Variants in PDE3A observed in about 807,000 individuals in gnomAD.
The protein encoded by PDE3A is phosphodiesterase 3A, also known as cGMP-inhibited 3',5'-cyclic phosphodiesterase 3A.
In PDE3A, 43 loss-of-function variants were observed where a neutral mutation model predicts 98.3. That is an observed-to-expected ratio of 0.44 (90% CI 0.34 to 0.56). The LOEUF (loss-of-function observed/expected upper bound fraction) is 0.56. Ranked by LOEUF, PDE3A falls within the 20% of genes least tolerant of loss-of-function variation. PDE3A has a pLI of 0.01. For missense variants in PDE3A, 1,427 were observed against 1,440.7 expected, an observed-to-expected ratio of 0.99 and a Z score of 0.15; for synonymous variants, 663 against 567.9, an observed-to-expected ratio of 1.17 and a Z score of -2.38.
intron 1 of PDE3A, 22 bp from the exon 2 acceptor site, chr12:20,556,635 CTTA>C (rs1942376031): frequency 1.4e-6 from 2 of 1,472,296 alleles, no homozygotes; most frequent in Non-Finnish European, 1.9e-6. Context: ...AATCATTTAA[CTTA>C]TTATAATTTT....
At chr12:20,586,857 T>C (rs143837248) in intron 2 of PDE3A, among the ~76,000 whole-genome samples, 1 of 152,180 alleles carries the variant, frequency 6.6e-6, no homozygotes, top group Non-Finnish European at 1.5e-5. Context: ...TCTTTTGCAC[T>C]GATAGTGGAC....
chr12:20,466,086 T>A (rs1157182043), intron 1 of PDE3A, among the ~76,000 whole-genome samples: 1 of 152,106 alleles, frequency 6.6e-6, no homozygotes, highest in Non-Finnish European at 1.5e-5. Context: ...TTGAAAAGCA[T>A]GTTCCCTAGA....
intron 2 of PDE3A, among the ~76,000 whole-genome samples, chr12:20,592,734 T>C (rs1230326690): frequency 6.6e-6 from 1 of 152,178 alleles, no homozygotes; most frequent in Non-Finnish European, 1.5e-5. Context: ...TAATTGAGTG[T>C]GTTTATTGCA....
intron 1 of PDE3A, among the ~76,000 whole-genome samples, chr12:20,422,269 G>T (rs1291355478): frequency 6.6e-6 from 1 of 152,002 alleles, no homozygotes. Flanking sequence ...GCGTGAACCC[G>T]GGAAGTGGAG....
chr12:20,412,475 A>G (rs1356657327), intron 1 of PDE3A, among the ~76,000 whole-genome samples: 2 of 152,146 alleles, frequency 1.3e-5, no homozygotes, highest in African/African-American at 4.8e-5. Context: ...TTTGTCTAGC[A>G]TTATCCCAAC....
rs185721227 is a variant in PDE3A, at chr12:20,386,182, T to A, written c.960+15938T>A. Among the ~76,000 whole-genome samples the A allele has an allele frequency of 6.3e-3, 457 of 72,386 alleles. 5 individuals are homozygous for A. Among genetic ancestry groups the A allele is most frequent in the Middle Eastern group, 0.013 (2 of 152 alleles). 47.5% of individuals were successfully genotyped at this position (72,386 alleles called of 152,430 possible). ...ATATATAAATATATAAAAATATATA[T>A]AAATATATATAAATATATAAAAATA... On this transcript the variant is annotated intron_variant, in intron 1 of 15. Transcript: ENST00000359062.
At chr12:20,431,007 T>C (rs1215360076) in intron 1 of PDE3A, among the ~76,000 whole-genome samples, 1 of 152,158 alleles carries the variant, frequency 6.6e-6, no homozygotes, top group Non-Finnish European at 1.5e-5. Flanking sequence ...TTCTGGTTTT[T>C]TGGAAGATTT....
At chr12:20,525,089 C>A (rs1946491898) in intron 1 of PDE3A, among the ~76,000 whole-genome samples, 1 of 152,128 alleles carries the variant, frequency 6.6e-6, no homozygotes, top group Non-Finnish European at 1.5e-5. Context: ...CCGAGATCCA[C>A]CATTGCACTC....
At chr12:20,470,609 C>A (rs1304689088) in intron 1 of PDE3A, among the ~76,000 whole-genome samples, 1 of 152,068 alleles carries the variant, frequency 6.6e-6, no homozygotes, top group East Asian at 1.9e-4. Flanking sequence ...GACTAGGGAA[C>A]AATGTAAGGA....
At chr12:20,544,241 A>G (rs1204432058) in intron 1 of PDE3A, among the ~76,000 whole-genome samples, 4 of 150,898 alleles carry the variant, frequency 2.7e-5, no homozygotes, top group Non-Finnish European at 5.9e-5. Flanking sequence ...GAAAGAATGC[A>G]CACATGAATG....
chr12:20,378,578 C>A (rs573681738), intron 1 of PDE3A, among the ~76,000 whole-genome samples: 2 of 151,482 alleles, frequency 1.3e-5, no homozygotes, highest in African/African-American at 4.8e-5. Flanking sequence ...GATCAAAAGG[C>A]AATAGAATCA....
intron 1 of PDE3A, among the ~76,000 whole-genome samples, chr12:20,524,025 A>T (rs1388016945): frequency 1.3e-5 from 2 of 152,218 alleles, no homozygotes; most frequent in African/African-American, 2.4e-5. Flanking sequence ...CTAAGGACTC[A>T]TACCTCTTTA....
At chr12:20,457,987 T>C (rs1945180618) in intron 1 of PDE3A, among the ~76,000 whole-genome samples, 1 of 152,168 alleles carries the variant, frequency 6.6e-6, no homozygotes, top group African/African-American at 2.4e-5. Context: ...ACTTTACTAA[T>C]TGACAGATAT....
chr12:20,522,258 C>T (rs539596764), intron 1 of PDE3A, among the ~76,000 whole-genome samples: 93 of 152,294 alleles, frequency 6.1e-4, no homozygotes, highest in African/African-American at 2.2e-3. Flanking sequence ...AACTTACACT[C>T]TGTAGAGCAG....
intron 10 of PDE3A, among the ~76,000 whole-genome samples, chr12:20,640,749 T>C (rs1257465479): frequency 3.3e-5 from 5 of 152,202 alleles, no homozygotes; most frequent in African/African-American, 1.2e-4. Flanking sequence ...CTACGAAATA[T>C]ATGGTTTGGG....
chr12:20,683,402 G>C lies in PDE3A; in HGVS notation c.*3131G>C, dbSNP rs1180190289. On this transcript the variant is annotated 3_prime_UTR_variant, in exon 16 of 16. Coordinates refer to ENST00000359062, the MANE Select transcript of PDE3A (RefSeq NM_000921.5). ...AATGAAAGAGTTTCTAGCCCACTTA[G>C]GGAAAAAGATAATTGTTTAGAAAAC... 1 of 152,088 alleles carries C rather than the reference G, an allele frequency of 6.6e-6. No individual in the cohort carries two copies. The highest frequency in any genetic ancestry group is 1.5e-5 in the Non-Finnish European group (1 of 68,020). 9.4% of individuals were successfully genotyped at this position (152,088 alleles called of 1,614,324 possible). A position where few individuals can be genotyped will look rare whatever the true frequency, so the allele number is the denominator to read the frequency against.
At chr12:20,635,313 T>C (rs1357971341) in intron 8 of PDE3A, among the ~76,000 whole-genome samples, 1 of 151,926 alleles carries the variant, frequency 6.6e-6, no homozygotes, top group African/African-American at 2.4e-5. Flanking sequence ...ACGCCTGTAA[T>C]CCCAGCACTT....
At chr12:20,535,006 G>T (rs1941713879) in intron 1 of PDE3A, among the ~76,000 whole-genome samples, 1 of 152,080 alleles carries the variant, frequency 6.6e-6, no homozygotes, top group South Asian at 2.1e-4. Context: ...TTTAGCAGAG[G>T]TCTTCTAAGT....
chr12:20,453,528 G>T (rs1208946522), intron 1 of PDE3A, among the ~76,000 whole-genome samples: 1 of 151,946 alleles, frequency 6.6e-6, no homozygotes, highest in East Asian at 1.9e-4. Flanking sequence ...GTATACAGGT[G>T]GCAAAAACAA....
Sources: allele counts gnomAD v4.1 joint callset (sites outside exome capture counted in the v4.1 genomes callset), GRCh38; gene constraint gnomAD v4.1.1; transcripts MANE v1.5; gene names NCBI Gene and HGNC (gene_info 2026-07-23, HGNC 2026-07-21).